The following ZBTB7C variants were observed in gnomAD, a reference collection of about 807,000 sequenced individuals.
ZBTB7C encodes zinc finger and BTB domain-containing protein 7C.
In ZBTB7C, 8 loss-of-function variants were observed where a neutral mutation model predicts 25.7. The observed-to-expected ratio is 0.31, with a 90% CI of 0.18 to 0.56. The LOEUF (loss-of-function observed/expected upper bound fraction) is 0.56, where lower values mean the gene tolerates loss of function less well. Ranked by LOEUF, ZBTB7C falls within the 20% of genes least tolerant of loss-of-function variation. The pLI is 0.91. For missense variants in ZBTB7C, 824 were observed against 855.2 expected (o/e 0.96, Z 0.46); for synonymous variants, 394 against 369.0 (o/e 1.07, Z -0.78).
intron 1 of ZBTB7C, among the ~76,000 whole-genome samples, chr18:48,395,784 A>T (rs2048017579): frequency 6.6e-6 from 1 of 152,236 alleles, no homozygotes; most frequent in Admixed American, 6.5e-5. Flanking sequence ...AGAACAGGAC[A>T]TTAGGGAAGT....
chr18:48,201,039 G>C (rs567395419), intron 2 of ZBTB7C, among the ~76,000 whole-genome samples: 1 of 152,268 alleles, frequency 6.6e-6, no homozygotes, highest in African/African-American at 2.4e-5. Context: ...ACCTGCGCAG[G>C]TGAACTCCAC....
At chr18:48,341,123 G>A (rs1005672595) in intron 1 of ZBTB7C, among the ~76,000 whole-genome samples, 2 of 152,114 alleles carry the variant, frequency 1.3e-5, no homozygotes, top group African/African-American at 2.4e-5. Flanking sequence ...TTCCTCATTC[G>A]TTTGCTCACT....
intron 3 of ZBTB7C, among the ~76,000 whole-genome samples, chr18:48,130,207 CT>C (rs2039945135): frequency 6.6e-6 from 1 of 152,202 alleles, no homozygotes; most frequent in Non-Finnish European, 1.5e-5. Flanking sequence ...TTAAAATGTG[CT>C]GGTGCATTAT....
At chr18:48,089,416 G>A (rs918222461) in intron 3 of ZBTB7C, among the ~76,000 whole-genome samples, 1 of 150,618 alleles carries the variant, frequency 6.6e-6, no homozygotes, top group African/African-American at 2.4e-5. Context: ...AGGGTGCAGA[G>A]AGCCGAGATC....
chr18:48,055,475 G>A (rs1379915325), intron 3 of ZBTB7C, among the ~76,000 whole-genome samples: 2 of 149,906 alleles, frequency 1.3e-5, no homozygotes, highest in Admixed American at 6.6e-5. Context: ...GAATATGGAA[G>A]CCAGCAAGTC....
intron 2 of ZBTB7C, among the ~76,000 whole-genome samples, chr18:48,223,729 C>T (rs544996682): frequency 5.3e-5 from 8 of 152,290 alleles, no homozygotes; most frequent in African/African-American, 1.9e-4. Context: ...CGTCCTTTAA[C>T]CTGATGTTCT....
intron 3 of ZBTB7C, among the ~76,000 whole-genome samples, chr18:48,152,479 T>C (rs557448979): frequency 2.6e-5 from 4 of 152,326 alleles, no homozygotes; most frequent in African/African-American, 4.8e-5. Flanking sequence ...AGATGATAGA[T>C]AGAACAGATG....
intron 2 of ZBTB7C, among the ~76,000 whole-genome samples, chr18:48,308,660 C>T (rs887077386): frequency 3.0e-4 from 46 of 152,256 alleles, no homozygotes; most frequent in Non-Finnish European, 4.4e-5. Flanking sequence ...TAAGCATTTA[C>T]TGTCAATGTC....
chr18:48,166,056 T>A (rs577476374), intron 3 of ZBTB7C, among the ~76,000 whole-genome samples: 101 of 152,344 alleles, frequency 6.6e-4, no homozygotes, highest in African/African-American at 2.1e-3. Context: ...AATTTTTTTT[T>A]AAATTGTGGT....
Position 48,367,718 on chromosome 18 carries a change from C to T in ZBTB7C, c.-303-29320G>A, listed in dbSNP as rs530062477. On this transcript the variant is annotated intron_variant, in intron 1 of 4. Transcript: ENST00000590800. ...ACATGGGGAGCCTAGACTTCCACTC[C>T]AACCCAGCACTCCCTGCTGGGATGG... Among the ~76,000 whole-genome samples, 6 of 152,124 alleles carry T rather than the reference C, an allele frequency of 3.9e-5. No homozygotes were observed. In the South Asian group the frequency reaches 1.2e-3, roughly 32 times the overall value.
intron 3 of ZBTB7C, among the ~76,000 whole-genome samples, chr18:48,049,299 C>A (rs2036593468): frequency 6.6e-6 from 1 of 152,132 alleles, no homozygotes; most frequent in Non-Finnish European, 1.5e-5. Flanking sequence ...GTTTCCTTAT[C>A]TAGGAAATGG....
chr18:48,227,209 C>T (rs1487847294), intron 2 of ZBTB7C, among the ~76,000 whole-genome samples: 1 of 152,192 alleles, frequency 6.6e-6, no homozygotes, highest in Non-Finnish European at 1.5e-5. Flanking sequence ...AACTGAAAGG[C>T]CACTGTATTC....
intron 4 of ZBTB7C, among the ~76,000 whole-genome samples, chr18:48,038,016 G>A (rs73953656): frequency 1.3e-5 from 2 of 152,180 alleles, no homozygotes; most frequent in African/African-American, 4.8e-5. Flanking sequence ...GCCAAGCCTT[G>A]TTCAGGTGTT....
rs185970554 is a variant in ZBTB7C, at chr18:48,245,033, C to T, written c.-78-59038G>A. On this transcript the variant is annotated intron_variant, in intron 2 of 4. Transcript: ENST00000590800. ...AGCACAATTCACAATTGCAAAAATA[C>T]GGAACCAACCCAAATGCCCATCAAT... is the stretch of plus-strand genomic sequence containing the variant. 8.3e-4 allele frequency among the ~76,000 whole-genome samples: 124 copies of T among 149,252 alleles called. 1 individual carries two copies. Among genetic ancestry groups the T allele is most frequent in the African/African-American group, 2.8e-3 (114 of 40,242 alleles).
intron 3 of ZBTB7C, among the ~76,000 whole-genome samples, chr18:48,107,327 G>A (rs2144645440): frequency 6.6e-6 from 1 of 151,074 alleles, no homozygotes; most frequent in Non-Finnish European, 1.5e-5. Flanking sequence ...GAGGGTGAAA[G>A]GCAATGGGAA....
chr18:48,254,408 C>T (rs555895160), intron 2 of ZBTB7C, among the ~76,000 whole-genome samples: 4 of 152,294 alleles, frequency 2.6e-5, no homozygotes, highest in South Asian at 2.1e-4. Flanking sequence ...CTCCTTTCCC[C>T]GCTGCTATGT....
intron 3 of ZBTB7C, among the ~76,000 whole-genome samples, chr18:48,177,161 C>G (rs902578878): frequency 2.0e-5 from 3 of 152,222 alleles, no homozygotes; most frequent in Non-Finnish European, 4.4e-5. Context: ...TGGCCTGGAG[C>G]AGGACAATGA....
rs533603897 is a variant in ZBTB7C at position 48,225,671 on chromosome 18, G to C, written c.-78-39676C>G. Among the ~76,000 whole-genome samples the C allele has an allele frequency of 2.0e-5, 3 of 152,256 alleles. No homozygotes were observed. The East Asian group carries it at 5.8e-4, about 29-fold the overall frequency. On this transcript the variant is annotated intron_variant, in intron 2 of 4. Transcript: ENST00000590800. ...TGGAGGAAGTGACTCTGTAATTTCT[G>C]GGCCCAGGGCTCCAGAGGTCTTGAA...
intron 3 of ZBTB7C, among the ~76,000 whole-genome samples, chr18:48,120,353 C>T (rs987067443): frequency 3.3e-5 from 5 of 152,100 alleles, no homozygotes; most frequent in South Asian, 2.1e-4. Flanking sequence ...TGGCTAGGCA[C>T]GGTGGCTCAC....
Sources: gnomAD v4.1 joint callset for allele counts (sites outside exome capture counted in the v4.1 genomes callset) on GRCh38, gnomAD v4.1.1 for gene constraint, MANE v1.5 for transcripts, NCBI Gene and HGNC (gene_info 2026-07-23, HGNC 2026-07-21) for gene names.